The following CACNA2D3 variants were observed in gnomAD, a reference collection of about 807,000 sequenced individuals.
CACNA2D3 encodes the protein voltage-dependent calcium channel subunit alpha-2/delta-3.
In CACNA2D3, 60 loss-of-function variants were observed where a neutral mutation model predicts 160.6. The ratio of observed to expected loss-of-function variants is 0.37; its 90% CI spans 0.30 to 0.46. The LOEUF is 0.46. CACNA2D3 is among the 20% of genes least tolerant of loss of function. The pLI is 1.00. For missense variants in CACNA2D3, 1,205 were observed against 1,365.0 expected, an observed-to-expected ratio of 0.88 and a Z score of 1.85; for synonymous variants, 558 against 492.9, an observed-to-expected ratio of 1.13 and a Z score of -1.75.
At chr3:54,285,416 A>G (rs1188194287) in intron 2 of CACNA2D3, among the ~76,000 whole-genome samples, 1 of 152,190 alleles carries the variant, frequency 6.6e-6, no homozygotes, top group Non-Finnish European at 1.5e-5. Context: ...TTGATTAGGT[A>G]AACAAAACAG....
At chr3:54,598,664 TA>T (rs1703006470) in intron 9 of CACNA2D3, among the ~76,000 whole-genome samples, 1 of 152,156 alleles carries the variant, frequency 6.6e-6, no homozygotes, top group Admixed American at 6.6e-5. Context: ...CCAAGTCCTC[TA>T]CCTTTCGACA....
intron 2 of CACNA2D3, among the ~76,000 whole-genome samples, chr3:54,200,314 G>A (rs540451834): frequency 3.9e-4 from 59 of 152,218 alleles, no homozygotes; most frequent in Non-Finnish European, 7.3e-4. Context: ...ACATATCTGA[G>A]TGTTGCAGAT....
intron 29 of CACNA2D3, among the ~76,000 whole-genome samples, chr3:54,982,427 G>A (rs554872694): frequency 1.3e-5 from 2 of 152,190 alleles, no homozygotes; most frequent in Admixed American, 6.5e-5. Flanking sequence ...CCTTTACCCA[G>A]GTAGATGCAC....
At chr3:54,172,554 G>C (rs1415364002) in intron 2 of CACNA2D3, among the ~76,000 whole-genome samples, 1 of 152,164 alleles carries the variant, frequency 6.6e-6, no homozygotes, top group Admixed American at 6.5e-5. Context: ...ACATGGAGAA[G>C]GTGACTACTA....
chr3:54,166,129 C>G (rs940257938), intron 2 of CACNA2D3, among the ~76,000 whole-genome samples: 1 of 152,150 alleles, frequency 6.6e-6, no homozygotes, highest in Non-Finnish European at 1.5e-5. Flanking sequence ...TGGGCTTCAC[C>G]GTGACTATCC....
At chr3:54,844,212 G>A (rs1216981314) in intron 16 of CACNA2D3, among the ~76,000 whole-genome samples, 2 of 152,130 alleles carry the variant, frequency 1.3e-5, no homozygotes, top group Admixed American at 6.5e-5. Context: ...GAATAGTGTC[G>A]AGGAAGAGGA....
intron 3 of CACNA2D3, among the ~76,000 whole-genome samples, chr3:54,344,047 T>A (rs1698412312): frequency 6.6e-6 from 1 of 152,112 alleles, no homozygotes; most frequent in Non-Finnish European, 1.5e-5. Flanking sequence ...TTAAAGGAAG[T>A]TTTTACGAAT....
At chr3:55,049,974 T>C (rs1312328627) in intron 35 of CACNA2D3, among the ~76,000 whole-genome samples, 3 of 150,718 alleles carry the variant, frequency 2.0e-5, no homozygotes, top group Non-Finnish European at 4.4e-5. Flanking sequence ...TCGTCCATCC[T>C]TTTATTTTGA....
rs866727737 is a variant in CACNA2D3, at chr3:54,821,649, T to G, written c.1398+4779T>G. ...TTTTTCTAGAGTCTTTCGTTCTTTCTTTCTTTCTTTCTTTCTTTCTTTCTT... is the reference window on the plus strand; with the variant it reads ...TTTTTCTAGAGTCTTTCGTTCTTTCGTTCTTTCTTTCTTTCTTTCTTTCTT... On this transcript the variant is annotated intron_variant, in intron 14 of 37. Coordinates refer to ENST00000474759, the MANE Select transcript of CACNA2D3 (RefSeq NM_018398.3). 5.8e-4 allele frequency among the ~76,000 whole-genome samples: 27 copies of G among 46,934 alleles called. No individual in the cohort carries two copies. In the East Asian group the frequency reaches 6.4e-3, roughly 11 times the overall value. 30.8% of individuals were successfully genotyped at this position (46,934 alleles called of 152,430 possible).
chr3:54,464,156 C>T (rs1198512477), intron 4 of CACNA2D3, among the ~76,000 whole-genome samples: 3 of 152,140 alleles, frequency 2.0e-5, no homozygotes, highest in Middle Eastern at 3.2e-3. Flanking sequence ...GAGTACCCAG[C>T]CGTGTGAGGT....
At chr3:54,918,332 CTTTTT>C (rs533596688) in intron 27 of CACNA2D3, 8,216 of 227,062 alleles carry the variant, frequency 0.036, 9 homozygotes, top group East Asian at 0.075. Context: ...TTTTTTTTTT[CTTTTT>C]TTTTTTTTTT....
At chr3:54,984,915 C>A in intron 30 of CACNA2D3, among the ~76,000 whole-genome samples, 1 of 152,188 alleles carries the variant, frequency 6.6e-6, no homozygotes, top group Non-Finnish European at 1.5e-5. Flanking sequence ...TCTGTTCTCT[C>A]ACTCATAAAA....
chr3:54,245,950 C>G (rs1403290476), intron 2 of CACNA2D3, among the ~76,000 whole-genome samples: 1 of 152,208 alleles, frequency 6.6e-6, no homozygotes, highest in Non-Finnish European at 1.5e-5. Context: ...TTAGGCCTCC[C>G]TAGGTGATGG....
chr3:54,819,434 C>T (rs9846169), intron 14 of CACNA2D3, among the ~76,000 whole-genome samples: 2,362 of 152,264 alleles, frequency 0.016, 58 homozygotes, highest in African/African-American at 0.054. Context: ...GCAGTCATAT[C>T]TGAGGGGTGG....
chr3:54,351,321 C>T (rs922341712), intron 3 of CACNA2D3, among the ~76,000 whole-genome samples: 3 of 151,976 alleles, frequency 2.0e-5, no homozygotes, highest in South Asian at 2.1e-4. Context: ...CTCTTTTTTC[C>T]TTGTCAGCCA....
chr3:54,957,287 T>C (rs1422455977), intron 27 of CACNA2D3, among the ~76,000 whole-genome samples: 1 of 151,906 alleles, frequency 6.6e-6, no homozygotes, highest in Non-Finnish European at 1.5e-5. Flanking sequence ...ACTTAGACTA[T>C]AGGTGTACGC....
chr3:54,249,450 TC>T (rs1232732318), intron 2 of CACNA2D3, among the ~76,000 whole-genome samples: 1 of 152,052 alleles, frequency 6.6e-6, no homozygotes, highest in Non-Finnish European at 1.5e-5. Flanking sequence ...TTGAACTTTG[TC>T]TGCACCAGTG....
chr3:55,030,109 G>A (rs1458722926), intron 35 of CACNA2D3, among the ~76,000 whole-genome samples: 1 of 151,742 alleles, frequency 6.6e-6, no homozygotes, highest in Non-Finnish European at 1.5e-5. Flanking sequence ...CTTATATCTT[G>A]CCATGTTGGG....
intron 2 of CACNA2D3, among the ~76,000 whole-genome samples, chr3:54,204,732 G>C (rs796453167): frequency 1.1e-4 from 16 of 148,106 alleles, no homozygotes; most frequent in African/African-American, 3.9e-4. Flanking sequence ...GGAGGTGGAG[G>C]TTGCAGTGAG....
Sources: gnomAD v4.1 joint callset for allele counts (sites outside exome capture counted in the v4.1 genomes callset) on GRCh38, gnomAD v4.1.1 for gene constraint, MANE v1.5 for transcripts, NCBI Gene and HGNC (gene_info 2026-07-23, HGNC 2026-07-21) for gene names.